The following TMPRSS11E variants were observed in gnomAD, a reference collection of about 807,000 sequenced individuals.
TMPRSS11E encodes the protein transmembrane serine protease 11E, also known as transmembrane protease serine 11E.
TMPRSS11E carries 38 observed loss-of-function variants against 48.1 expected under a neutral mutation model. The ratio of observed to expected loss-of-function variants is 0.79; its 90% CI spans 0.61 to 1.04. TMPRSS11E has a LOEUF of 1.04. Among genes scored for constraint, TMPRSS11E ranks in the 50% least tolerant of loss-of-function variants. The probability of loss-of-function intolerance (pLI) is 0.00; values close to 1 mark genes in which losing one functional copy is unlikely to be tolerated. For synonymous variants in TMPRSS11E, 158 were observed against 171.9 expected (o/e 0.92, Z 0.63); for missense variants, 530 against 510.8 (o/e 1.04, Z -0.36).
chr4:68,476,239 A>C, intron 6 of TMPRSS11E, 22 bp from the exon 7 acceptor site: 1 of 1,613,000 alleles, frequency 6.2e-7, no homozygotes, highest in Non-Finnish European at 8.5e-7. Context: ...CCACCAATGC[A>C]CCCCCCCTCT....
chr4:68,473,573 C>G (rs190684956), intron 5 of TMPRSS11E, among the ~76,000 whole-genome samples: 1 of 152,040 alleles, frequency 6.6e-6, no homozygotes, highest in Non-Finnish European at 1.5e-5. Flanking sequence ...AATCCATTAT[C>G]CTATTGAACT....
intron 2 of TMPRSS11E, among the ~76,000 whole-genome samples, chr4:68,463,741 G>A (rs901769770): frequency 3.3e-5 from 5 of 152,262 alleles, no homozygotes; most frequent in Admixed American, 3.3e-4. Flanking sequence ...ACACACTTTT[G>A]TGTGTCTAGA....
rs547036826 is a variant in TMPRSS11E, at chr4:68,474,166, C to T, written c.491-557C>T. 2.0e-5 allele frequency among the ~76,000 whole-genome samples: 3 copies of T among 152,092 alleles called. No individual in the cohort carries two copies. The East Asian group carries it at 5.8e-4, about 29-fold the overall frequency. On this transcript the variant is annotated intron_variant, in intron 5 of 9. Coordinates refer to ENST00000305363, the MANE Select transcript of TMPRSS11E (RefSeq NM_014058.4). ...GAAGTCATTGGCTGGAGCTAAATGACAATTTGAGGGCAGACTGTCTTTTGA... is the reference window on the plus strand; with the variant it reads ...GAAGTCATTGGCTGGAGCTAAATGATAATTTGAGGGCAGACTGTCTTTTGA...
At chr4:68,460,828 G>A (rs558268148) in intron 1 of TMPRSS11E, among the ~76,000 whole-genome samples, 61 of 151,176 alleles carry the variant, frequency 4.0e-4, no homozygotes, top group South Asian at 1.9e-3. Flanking sequence ...ATGTATTTTT[G>A]AAGGCAGAAC....
intron 8 of TMPRSS11E, 22 bp downstream of exon 8, chr4:68,477,650 C>G: frequency 1.9e-6 from 3 of 1,606,724 alleles, no homozygotes; most frequent in Non-Finnish European, 1.7e-6. Flanking sequence ...AAGAGGAACT[C>G]AAGTAAAAGT....
chr4:68,476,867 T>C (rs1038480297), intron 7 of TMPRSS11E, among the ~76,000 whole-genome samples: 3 of 152,164 alleles, frequency 2.0e-5, no homozygotes, highest in Non-Finnish European at 4.4e-5. Flanking sequence ...ATGAAGAATT[T>C]GGAAGTAGCA....
chr4:68,454,760 G>A (rs1345740865), intron 1 of TMPRSS11E, among the ~76,000 whole-genome samples: 1 of 151,888 alleles, frequency 6.6e-6, no homozygotes, highest in Admixed American at 6.6e-5. Flanking sequence ...ACACAACAAG[G>A]TGTCAGCATG....
chr4:68,474,346 G>A (rs1053299649), intron 5 of TMPRSS11E, among the ~76,000 whole-genome samples: 1 of 152,046 alleles, frequency 6.6e-6, no homozygotes, highest in Admixed American at 6.6e-5. Context: ...TTACATTTGG[G>A]GAATTAATAC....
chr4:68,484,033 A>T (rs1729484175), intron 9 of TMPRSS11E, among the ~76,000 whole-genome samples: 1 of 152,126 alleles, frequency 6.6e-6, no homozygotes, highest in Non-Finnish European at 1.5e-5. Flanking sequence ...TCTTCTGGTT[A>T]CTATAGCTTT....
At chr4:68,481,340 A>G (rs1041211577) in intron 9 of TMPRSS11E, among the ~76,000 whole-genome samples, 8 of 152,160 alleles carry the variant, frequency 5.3e-5, no homozygotes, top group Non-Finnish European at 1.0e-4. Flanking sequence ...TTGCTGGGTC[A>G]AATTGTAGTT....
At chr4:68,454,880 T>A (rs746251715) in intron 1 of TMPRSS11E, among the ~76,000 whole-genome samples, 7 of 151,976 alleles carry the variant, frequency 4.6e-5, no homozygotes, top group Non-Finnish European at 8.8e-5. Context: ...TTTTGATGCT[T>A]GTATGCAATG....
chr4:68,450,172 A>C (rs1273448233), intron 1 of TMPRSS11E, among the ~76,000 whole-genome samples: 1 of 151,878 alleles, frequency 6.6e-6, no homozygotes. Context: ...ATGTGCTCAC[A>C]CTTCTCCTTC....
At chr4:68,474,249 G>A (rs1413739827) in intron 5 of TMPRSS11E, among the ~76,000 whole-genome samples, 1 of 152,098 alleles carries the variant, frequency 6.6e-6, no homozygotes, top group Non-Finnish European at 1.5e-5. Context: ...CAAATTTATG[G>A]AGATGCTACT....
rs138973661 is a variant in TMPRSS11E, at chr4:68,454,014, C to A, written c.11+6491C>A. Among the ~76,000 whole-genome samples the A allele has an allele frequency of 7.2e-5, 11 of 151,996 alleles. No homozygotes were observed. In the East Asian group the frequency reaches 2.1e-3, roughly 29 times the overall value. ...CCATTGGAAAGAAAGTATTCATATG[C>A]TGACTCTTATGGACAAGGGGCACTA... On this transcript the variant is annotated intron_variant, in intron 1 of 9. Coordinates refer to ENST00000305363, the MANE Select transcript of TMPRSS11E (RefSeq NM_014058.4).
At chr4:68,474,786 T>G in intron 6 of TMPRSS11E, 25 bp downstream of exon 6, 1 of 1,571,988 alleles carries the variant, frequency 6.4e-7, no homozygotes, top group Non-Finnish European at 8.6e-7. Flanking sequence ...TTTATTAAAA[T>G]AGCATTACCT....
In TMPRSS11E at chr4:68,471,457, C is replaced by T; in HGVS notation, c.327-3C>T. The T allele has an allele frequency of 5.5e-6, 7 of 1,272,246 alleles. No individual in the cohort carries two copies. Among genetic ancestry groups the T allele is most frequent in the South Asian group, 1.7e-5 (1 of 59,384 alleles). 78.8% of individuals were successfully genotyped at this position (1,272,246 alleles called of 1,614,324 possible). A position where few individuals can be genotyped will look rare whatever the true frequency, so the allele number is the denominator to read the frequency against. On this transcript the variant is annotated splice_polypyrimidine_tract_variant and splice_region_variant and intron_variant, in intron 4 of 9. Coordinates refer to ENST00000305363, the MANE Select transcript of TMPRSS11E (RefSeq NM_014058.4). ...TTTCATTTTCTTCTTTTTTGGCCCACAGTCAACAGAAGCATGGAGTGTTGG... is the reference window on the plus strand; with the variant it reads ...TTTCATTTTCTTCTTTTTTGGCCCATAGTCAACAGAAGCATGGAGTGTTGG...
chr4:68,457,632 G>A (rs771154707), intron 1 of TMPRSS11E, among the ~76,000 whole-genome samples: 1 of 152,054 alleles, frequency 6.6e-6, no homozygotes, highest in Non-Finnish European at 1.5e-5. Context: ...CAATAGCAAA[G>A]ACTTGGAACC....
At chr4:68,448,221 G>T (rs1407885319) in intron 1 of TMPRSS11E, among the ~76,000 whole-genome samples, 3 of 151,604 alleles carry the variant, frequency 2.0e-5, no homozygotes, top group Non-Finnish European at 4.4e-5. Flanking sequence ...TCTCATATTG[G>T]CATATCATTT....
intron 9 of TMPRSS11E, among the ~76,000 whole-genome samples, chr4:68,486,841 A>G (rs1344434210): frequency 6.6e-6 from 1 of 152,204 alleles, no homozygotes; most frequent in Non-Finnish European, 1.5e-5. Context: ...TAGATAGTTA[A>G]TCTTCTTGTT....
Sources: allele counts gnomAD v4.1 joint callset (sites outside exome capture counted in the v4.1 genomes callset), GRCh38; gene constraint gnomAD v4.1.1; transcripts MANE v1.5; gene names NCBI Gene and HGNC (gene_info 2026-07-23, HGNC 2026-07-21).